DDX10: variants seen among roughly 807,000 people sequenced by gnomAD.
The protein encoded by DDX10 is DEAD-box helicase 10.
Under a neutral mutation model 104.3 loss-of-function variants are expected in DDX10, and 74 were observed. That is an observed-to-expected ratio of 0.71 (90% CI 0.59 to 0.86). The LOEUF (loss-of-function observed/expected upper bound fraction) is 0.86. Ranked by LOEUF, DDX10 falls within the 40% of genes least tolerant of loss-of-function variation. DDX10 has a pLI of 0.00. For synonymous variants in DDX10, 351 were observed against 353.4 expected, an observed-to-expected ratio of 0.99 and a Z score of 0.08; for missense variants, 952 against 1,040.0, an observed-to-expected ratio of 0.92 and a Z score of 1.16.
intron 6 of DDX10, among the ~76,000 whole-genome samples, chr11:108,681,475 C>A (rs1458982901): frequency 6.6e-6 from 1 of 152,148 alleles, no homozygotes; most frequent in African/African-American, 2.4e-5. Flanking sequence ...TTAGGAATTT[C>A]ATCTAATGTC....
intron 13 of DDX10, among the ~76,000 whole-genome samples, chr11:108,727,394 C>T (rs1005670373): frequency 3.3e-4 from 50 of 152,028 alleles, no homozygotes; most frequent in African/African-American, 8.2e-4. Flanking sequence ...CCTGTTGATT[C>T]GTAAGATGTC....
chr11:108,736,701 T>TG (rs1330132386), intron 13 of DDX10, among the ~76,000 whole-genome samples: 12 of 152,164 alleles, frequency 7.9e-5, no homozygotes, highest in Non-Finnish European at 2.9e-5. Flanking sequence ...TTTTCCTTCT[T>TG]GCCCTCTGCC....
At chr11:108,753,331 AAC>A (rs1269645262) in intron 13 of DDX10, among the ~76,000 whole-genome samples, 2 of 152,136 alleles carry the variant, frequency 1.3e-5, no homozygotes, top group Non-Finnish European at 2.9e-5. Flanking sequence ...TAAAATAAAT[AAC>A]AGTCCTTTTA....
At chr11:108,715,829 T>C in intron 10 of DDX10, 50 bp from the exon 11 acceptor site, 1 of 915,956 alleles carries the variant, frequency 1.1e-6, no homozygotes, top group Non-Finnish European at 1.7e-6. Context: ...CTATTTTTAG[T>C]CTCCAAATTT....
chr11:108,894,568 A>T (rs956565599), intron 16 of DDX10, among the ~76,000 whole-genome samples: 1 of 152,072 alleles, frequency 6.6e-6, no homozygotes, highest in African/African-American at 2.4e-5. Context: ...TTATCATGGC[A>T]TATCTTAGAG....
chr11:108,722,719 C>G (rs1253580215), intron 12 of DDX10, among the ~76,000 whole-genome samples: 2 of 152,204 alleles, frequency 1.3e-5, no homozygotes, highest in Non-Finnish European at 2.9e-5. Flanking sequence ...AGGTCTAGTA[C>G]TTGAACTGTT....
intron 13 of DDX10, among the ~76,000 whole-genome samples, chr11:108,730,393 G>T (rs2094310576): frequency 6.6e-6 from 1 of 152,110 alleles, no homozygotes; most frequent in Non-Finnish European, 1.5e-5. Context: ...CTGTCTTCCT[G>T]GGAAAACATA....
At chr11:108,919,562 A>T (rs1863797298) in intron 17 of DDX10, 1 of 152,230 alleles carries the variant, frequency 6.6e-6, no homozygotes, top group Non-Finnish European at 1.5e-5. Flanking sequence ...TTAATGTAAC[A>T]TACATGACTT....
At chr11:108,691,803 A>G (rs2134450562) in intron 7 of DDX10, 73 bp from the exon 8 acceptor site, 1 of 1,382,266 alleles carries the variant, frequency 7.2e-7, no homozygotes. Context: ...ACTCTGTGGG[A>G]TACGTTGATA....
chr11:108,784,173 G>A (rs1861754045), intron 13 of DDX10, among the ~76,000 whole-genome samples: 1 of 152,170 alleles, frequency 6.6e-6, no homozygotes, highest in Admixed American at 6.5e-5. Flanking sequence ...ATACCCAATA[G>A]TGGGATTGCT....
intron 16 of DDX10, among the ~76,000 whole-genome samples, chr11:108,877,851 T>G (rs185142379): frequency 6.6e-6 from 1 of 152,328 alleles, no homozygotes; most frequent in Admixed American, 6.5e-5. Flanking sequence ...TGGCAGAGTT[T>G]ATCTCATCAT....
rs7114856 is a variant in DDX10, at chr11:108,836,023, C to T, written c.1966-2423C>T. On this transcript the variant is annotated intron_variant, in intron 13 of 17. Coordinates refer to ENST00000322536, the MANE Select transcript of DDX10 (RefSeq NM_004398.4). Reference sequence around the variant, plus strand: ...AGGTTTAGGAAGTAGCAGAATTGGTCTCAGGTTCCCTGCCTCCAGACCTTG... The same window carrying T: ...AGGTTTAGGAAGTAGCAGAATTGGTTTCAGGTTCCCTGCCTCCAGACCTTG... 5.8e-3 allele frequency among the ~76,000 whole-genome samples: 887 copies of T among 152,316 alleles called. 3 individuals carry two copies. Among genetic ancestry groups the T allele is most frequent in the African/African-American group, 0.02 (825 of 41,566 alleles).
At chr11:108,768,131 T>G (rs1448706126) in intron 13 of DDX10, 3 of 152,222 alleles carry the variant, frequency 2.0e-5, no homozygotes, top group African/African-American at 7.2e-5. Context: ...ATGTTATTGA[T>G]AAGACTTCCA....
At chr11:108,819,086 C>T (rs1862291866) in intron 13 of DDX10, among the ~76,000 whole-genome samples, 1 of 152,146 alleles carries the variant, frequency 6.6e-6, no homozygotes, top group African/African-American at 2.4e-5. Context: ...CTTCCTTGTT[C>T]CTTCCCTTCT....
intron 13 of DDX10, among the ~76,000 whole-genome samples, chr11:108,794,274 G>A (rs1169474849): frequency 1.3e-5 from 2 of 151,680 alleles, no homozygotes; most frequent in African/African-American, 4.8e-5. Flanking sequence ...ACTAGTTTTA[G>A]TAGCTTTTTT....
intron 5 of DDX10, 105 bp from the exon 6 acceptor site, chr11:108,679,266 G>T (rs930314402): frequency 1.7e-5 from 16 of 955,806 alleles, no homozygotes; most frequent in African/African-American, 1.6e-4. Flanking sequence ...CAGTTTTTCC[G>T]CTAATGTTCT....
intron 17 of DDX10, among the ~76,000 whole-genome samples, chr11:108,938,976 T>A (rs558326781): frequency 4.9e-4 from 75 of 152,356 alleles, no homozygotes; most frequent in South Asian, 2.5e-3. Flanking sequence ...TCTGTGATTT[T>A]TTTATTTATT....
chr11:108,839,679 G>A (rs77829850), intron 14 of DDX10, among the ~76,000 whole-genome samples: 4,927 of 152,268 alleles, frequency 0.032, 94 homozygotes, highest in Middle Eastern at 0.088. Flanking sequence ...ATTTTGGGAT[G>A]TATAAATCAG....
intron 9 of DDX10, among the ~76,000 whole-genome samples, chr11:108,696,777 A>T (rs1451253086): frequency 2.0e-5 from 3 of 152,016 alleles, no homozygotes; most frequent in Non-Finnish European, 4.4e-5. Flanking sequence ...TTTCATATGT[A>T]TTACATTCTT....
Sources: allele counts gnomAD v4.1 joint callset (sites outside exome capture counted in the v4.1 genomes callset), GRCh38; gene constraint gnomAD v4.1.1; transcripts MANE v1.5; gene names NCBI Gene and HGNC (gene_info 2026-07-23, HGNC 2026-07-21).